The following EPHX4 variants were observed in gnomAD, a reference collection of about 807,000 sequenced individuals.
The protein encoded by EPHX4 is abhydrolase domain containing 7.
In EPHX4, 31 loss-of-function variants were observed where a neutral mutation model predicts 44.9. The observed-to-expected ratio is 0.69, with a 90% CI of 0.52 to 0.93. The LOEUF (loss-of-function observed/expected upper bound fraction) is 0.93, where lower values mean the gene tolerates loss of function less well. Among genes scored for constraint, EPHX4 ranks in the 40% least tolerant of loss-of-function variants. The pLI is 0.00. For missense variants in EPHX4, 373 were observed against 438.1 expected, an observed-to-expected ratio of 0.85 and a Z score of 1.33; for synonymous variants, 151 against 159.7, an observed-to-expected ratio of 0.95 and a Z score of 0.41.
chr1:92,053,901 A>G, intron 6 of EPHX4, among the ~76,000 whole-genome samples: 1 of 152,160 alleles, frequency 6.6e-6, no homozygotes, highest in East Asian at 1.9e-4. Context: ...CTCAGAGGAG[A>G]GAATCTGGGA....
chr1:92,058,297 C>T (rs898184538), intron 6 of EPHX4, among the ~76,000 whole-genome samples: 1 of 151,890 alleles, frequency 6.6e-6, no homozygotes. Context: ...CAAAATTGGC[C>T]AGGCGTGGTG....
At chr1:92,031,251 A>C (rs1688356317) in intron 1 of EPHX4, among the ~76,000 whole-genome samples, 1 of 152,210 alleles carries the variant, frequency 6.6e-6, no homozygotes, top group Non-Finnish European at 1.5e-5. Flanking sequence ...TAGTCAGTGC[A>C]ATAAAGTATC....
Position 92,045,594 on chromosome 1 carries a change from A to G in EPHX4, c.538A>G (p.Ile180Val), listed in dbSNP as rs1473705721. 2.5e-6 allele frequency: 4 copies of G among 1,613,942 alleles called. No homozygotes were observed. Among genetic ancestry groups the G allele is most frequent in the East Asian group, 4.5e-5 (2 of 44,876 alleles). The stretch of plus-strand genomic sequence containing the variant: ...GGGCATGATTGCTTGGCTAATTGCC[A>G]TCTGTTATCCTGAAATGGTGATGAA... ...WGGMIAWLIA[I>V]CYPEMVMKLI... The change falls in exon 4 of 7, where the codon ATC becomes GTC. Residue 180 changes from isoleucine to valine, a missense_variant. By Grantham distance (29) the Ile-to-Val change is conservative (BLOSUM62 3). Transcript: ENST00000370383.
At chr1:92,046,697 T>C (rs1463114679) in intron 4 of EPHX4, among the ~76,000 whole-genome samples, 2 of 152,106 alleles carry the variant, frequency 1.3e-5, no homozygotes, top group Admixed American at 6.6e-5. Context: ...TGCCTGACCT[T>C]GTGATCCGCC....
chr1:92,038,170 T>A (rs2101867394), intron 2 of EPHX4, among the ~76,000 whole-genome samples: 1 of 152,354 alleles, frequency 6.6e-6, no homozygotes, highest in African/African-American at 2.4e-5. Context: ...ATTTCTAATA[T>A]GACATGGAAG....
At chr1:92,035,354 A>C (rs932518278) in intron 2 of EPHX4, among the ~76,000 whole-genome samples, 1 of 152,218 alleles carries the variant, frequency 6.6e-6, no homozygotes, top group Non-Finnish European at 1.5e-5. Flanking sequence ...TGGGCAGTAC[A>C]TTCTGGCTCA....
intron 5 of EPHX4, 111 bp downstream of exon 5, chr1:92,050,531 T>C (rs1034040127): frequency 2.8e-5 from 18 of 632,882 alleles, no homozygotes; most frequent in African/African-American, 2.5e-4. Flanking sequence ...TTATTATAAC[T>C]TAAATGGTTT....
chr1:92,062,448 A>G (rs1441517839), intron 6 of EPHX4, among the ~76,000 whole-genome samples: 2 of 151,900 alleles, frequency 1.3e-5, no homozygotes, highest in East Asian at 3.9e-4. Context: ...AGCCAGGCGC[A>G]TTGGCAGGCA....
At chr1:92,059,096 T>C (rs540674261) in intron 6 of EPHX4, among the ~76,000 whole-genome samples, 14 of 152,310 alleles carry the variant, frequency 9.2e-5, no homozygotes, top group South Asian at 8.3e-4. Flanking sequence ...AAACATCATT[T>C]TGTGATGAAA....
At chr1:92,062,446 G>T (rs906761435) in intron 6 of EPHX4, among the ~76,000 whole-genome samples, 2 of 151,758 alleles carry the variant, frequency 1.3e-5, no homozygotes, top group Admixed American at 6.6e-5. Flanking sequence ...TTAGCCAGGC[G>T]CATTGGCAGG....
intron 4 of EPHX4, among the ~76,000 whole-genome samples, chr1:92,045,866 C>A (rs978289646): frequency 2.6e-5 from 4 of 152,270 alleles, no homozygotes; most frequent in Admixed American, 6.5e-5. Context: ...TACTTGCTTA[C>A]ATAATTTTAT....
intron 2 of EPHX4, among the ~76,000 whole-genome samples, chr1:92,034,866 AC>A (rs773035033): frequency 2.6e-5 from 4 of 151,730 alleles, no homozygotes; most frequent in Non-Finnish European, 4.4e-5. Context: ...CTGGTCTCAA[AC>A]TCCTGACCTC....
chr1:92,049,030 A>G (rs1300639870), intron 4 of EPHX4, among the ~76,000 whole-genome samples: 1 of 151,226 alleles, frequency 6.6e-6, no homozygotes, highest in African/African-American at 2.4e-5. Context: ...ATATATGAAT[A>G]TATATGTATA....
Position 92,030,241 on chromosome 1 carries a change from C to A in EPHX4, c.162C>A (p.Pro54=). ...GGCCGGCGCAGACCTTCCGGCGGCC[C>A]GCCCGGGAGCACCCTCCCGCGTGCC... ...GKGPAQTFRR[P]AREHPPACLS... Residue 54 remains proline, a synonymous_variant, in exon 1 of 7, where the codon CCC becomes CCA. Transcript: ENST00000370383. The A allele has an allele frequency of 6.2e-6, 10 of 1,603,116 alleles. No homozygotes were observed. The highest frequency in any genetic ancestry group is 7.7e-6 in the Non-Finnish European group (9 of 1,175,086).
chr1:92,050,473 A>T, intron 5 of EPHX4, 53 bp downstream of exon 5: 1 of 1,009,968 alleles, frequency 9.9e-7, no homozygotes, highest in Non-Finnish European at 1.4e-6. Flanking sequence ...TTAATGAAAA[A>T]TATTTTAAAG....
chr1:92,034,576 T>A, intron 2 of EPHX4, among the ~76,000 whole-genome samples: 1 of 152,004 alleles, frequency 6.6e-6, no homozygotes, highest in East Asian at 1.9e-4. Flanking sequence ...GTCTTAAAGA[T>A]TTTATGTCAC....
chr1:92,049,049 T>C (rs945249637), intron 4 of EPHX4, among the ~76,000 whole-genome samples: 1 of 151,640 alleles, frequency 6.6e-6, no homozygotes, highest in Admixed American at 6.6e-5. Context: ...TATATATTTA[T>C]ATATAAACTC....
At chr1:92,034,641 G>A (rs10875140) in intron 2 of EPHX4, among the ~76,000 whole-genome samples, 146,955 of 150,292 alleles carry the variant, frequency 0.98, 71,916 homozygotes, top group East Asian at 1. Flanking sequence ...ACCTTAAGAC[G>A]CTTCTTTTTT....
chr1:92,031,237 T>C (rs529302754), intron 1 of EPHX4, among the ~76,000 whole-genome samples: 1 of 152,214 alleles, frequency 6.6e-6, no homozygotes, highest in Non-Finnish European at 1.5e-5. Flanking sequence ...CAATGCCTGA[T>C]GCATAGTCAG....
Sources: allele counts gnomAD v4.1 joint callset (sites outside exome capture counted in the v4.1 genomes callset), GRCh38; gene constraint gnomAD v4.1.1; transcripts MANE v1.5; gene names NCBI Gene and HGNC (gene_info 2026-07-23, HGNC 2026-07-21).